Variants in MGAT4C observed in about 807,000 individuals in gnomAD.
The protein encoded by MGAT4C is MGAT4 family member C.
In MGAT4C, 19 loss-of-function variants were observed where a neutral mutation model predicts 40.1. The ratio of observed to expected loss-of-function variants is 0.47; its 90% CI spans 0.33 to 0.70. The LOEUF (loss-of-function observed/expected upper bound fraction) is 0.70. Among genes scored for constraint, MGAT4C ranks in the 30% least tolerant of loss-of-function variants. The pLI is 0.02. For missense variants in MGAT4C, 491 were observed against 563.2 expected, an observed-to-expected ratio of 0.87 and a Z score of 1.30; for synonymous variants, 181 against 187.1, an observed-to-expected ratio of 0.97 and a Z score of 0.27.
chr12:86,330,166 T>C (rs1954628783), intron 4 of MGAT4C, among the ~76,000 whole-genome samples: 2 of 152,262 alleles, frequency 1.3e-5, no homozygotes, highest in Admixed American at 6.5e-5. Context: ...TAATGTGATA[T>C]GCACTTACTC....
chr12:86,359,604 A>G (rs1181634415), intron 3 of MGAT4C, among the ~76,000 whole-genome samples: 1 of 152,198 alleles, frequency 6.6e-6, no homozygotes, highest in African/African-American at 2.4e-5. Context: ...AAAGAAGAAA[A>G]GAGAGAAGAA....
chr12:86,027,584 A>C (rs932111964), intron 2 of MGAT4C, among the ~76,000 whole-genome samples: 3 of 151,934 alleles, frequency 2.0e-5, no homozygotes, highest in Non-Finnish European at 4.4e-5. Flanking sequence ...ATACACTACA[A>C]AATTATAACT....
chr12:86,352,060 T>G (rs1181120460), intron 3 of MGAT4C, among the ~76,000 whole-genome samples: 1 of 152,094 alleles, frequency 6.6e-6, no homozygotes, highest in Non-Finnish European at 1.5e-5. Flanking sequence ...GTAACAACAC[T>G]TGAATAAAGA....
intron 2 of MGAT4C, chr12:86,001,617 T>A (rs1020494031): frequency 6.1e-6 from 6 of 983,316 alleles, no homozygotes; most frequent in Non-Finnish European, 7.2e-6. Flanking sequence ...AGAGCCTGAG[T>A]ACACTATACA....
intron 2 of MGAT4C, among the ~76,000 whole-genome samples, chr12:86,506,452 G>T (rs575057762): frequency 1.3e-5 from 2 of 152,190 alleles, no homozygotes; most frequent in South Asian, 4.1e-4. Flanking sequence ...AATGTCCTGG[G>T]ACCCACAGAC....
At chr12:86,833,121 TA>T in intron 1 of MGAT4C, among the ~76,000 whole-genome samples, 1 of 151,826 alleles carries the variant, frequency 6.6e-6, no homozygotes, top group African/African-American at 2.4e-5. Context: ...TCTTGTGCCA[TA>T]AAACGGAAGT....
chr12:86,367,941 C>T (rs1186910622), intron 3 of MGAT4C, among the ~76,000 whole-genome samples: 1 of 152,234 alleles, frequency 6.6e-6, no homozygotes, highest in Non-Finnish European at 1.5e-5. Context: ...TAAAATAAAC[C>T]TATCCTTCAC....
chr12:86,188,243 ATGGTTT>A (rs1266212386), intron 1 of MGAT4C, among the ~76,000 whole-genome samples: 15 of 152,066 alleles, frequency 9.9e-5, no homozygotes, highest in African/African-American at 3.6e-4. Flanking sequence ...CAGCATAGTG[ATGGTTT>A]TCTAGTGGGA....
At chr12:86,553,288 C>A (rs1959453203) in intron 2 of MGAT4C, among the ~76,000 whole-genome samples, 1 of 151,998 alleles carries the variant, frequency 6.6e-6, no homozygotes, top group Non-Finnish European at 1.5e-5. Context: ...GACCTTGGGC[C>A]ATTTCTTTTT....
chr12:86,491,510 T>G (rs997598637), intron 2 of MGAT4C, among the ~76,000 whole-genome samples: 8 of 152,050 alleles, frequency 5.3e-5, no homozygotes, highest in African/African-American at 1.4e-4. Flanking sequence ...TCAATAAACG[T>G]AATCCAGCAT....
At chr12:86,627,029 T>C (rs1003221568) in intron 2 of MGAT4C, among the ~76,000 whole-genome samples, 2 of 152,218 alleles carry the variant, frequency 1.3e-5, no homozygotes, top group Admixed American at 6.5e-5. Context: ...TACTGCACTT[T>C]TCCAATGGTC....
At chr12:86,567,855 T>G (rs1017571195) in intron 2 of MGAT4C, among the ~76,000 whole-genome samples, 13 of 152,208 alleles carry the variant, frequency 8.5e-5, no homozygotes, top group Non-Finnish European at 1.5e-4. Flanking sequence ...TTCATTTTAT[T>G]TCCTTTCTTT....
intron 1 of MGAT4C, among the ~76,000 whole-genome samples, chr12:86,208,305 T>C (rs1950339151): frequency 6.6e-6 from 1 of 152,060 alleles, no homozygotes; most frequent in African/African-American, 2.4e-5. Context: ...ATCTTTACTA[T>C]AATACAAAAC....
At chr12:86,732,379 C>T (rs1028483272) in intron 1 of MGAT4C, among the ~76,000 whole-genome samples, 2 of 152,092 alleles carry the variant, frequency 1.3e-5, no homozygotes, top group Admixed American at 6.6e-5. Flanking sequence ...TTATTGCACA[C>T]TTTATTTCTA....
intron 1 of MGAT4C, among the ~76,000 whole-genome samples, chr12:86,087,257 A>G (rs1327910637): frequency 6.6e-6 from 1 of 152,034 alleles, no homozygotes; most frequent in Non-Finnish European, 1.5e-5. Context: ...CTCCATAGTG[A>G]CTATAACTTA....
chr12:86,190,645 A>G (rs1889282112), intron 1 of MGAT4C, among the ~76,000 whole-genome samples: 1 of 152,036 alleles, frequency 6.6e-6, no homozygotes, highest in Non-Finnish European at 1.5e-5. Context: ...TCATTTTTTG[A>G]GCTCACAATT....
intron 3 of MGAT4C, among the ~76,000 whole-genome samples, chr12:86,355,784 A>G (rs1028519557): frequency 2.6e-5 from 4 of 152,180 alleles, no homozygotes; most frequent in Non-Finnish European, 5.9e-5. Flanking sequence ...ATAAATATTA[A>G]CTGAAAAATC....
chr12:86,604,120 A>G (rs1459847499), intron 2 of MGAT4C, among the ~76,000 whole-genome samples: 1 of 152,126 alleles, frequency 6.6e-6, no homozygotes, highest in Non-Finnish European at 1.5e-5. Flanking sequence ...GCTTTAATCA[A>G]CGGATAGCCT....
intron 3 of MGAT4C, among the ~76,000 whole-genome samples, chr12:86,373,799 T>C (rs1415040807): frequency 6.6e-6 from 1 of 151,934 alleles, no homozygotes; most frequent in Non-Finnish European, 1.5e-5. Flanking sequence ...GCAATATCCA[T>C]TGAACACCAC....
Sources: gnomAD v4.1 joint callset for allele counts (sites outside exome capture counted in the v4.1 genomes callset) on GRCh38, gnomAD v4.1.1 for gene constraint, MANE v1.5 for transcripts, NCBI Gene and HGNC (gene_info 2026-07-23, HGNC 2026-07-21) for gene names.